FHOD3: variants seen among roughly 807,000 people sequenced by gnomAD.
The protein encoded by FHOD3 is formin homology 2 domain containing 3, also known as FH1/FH2 domain-containing protein 3.
In FHOD3, 90 loss-of-function variants were observed where a neutral mutation model predicts 173.0. That is an observed-to-expected ratio of 0.52 (90% CI 0.44 to 0.62). The LOEUF (loss-of-function observed/expected upper bound fraction) is 0.62. Among genes scored for constraint, FHOD3 ranks in the 20% least tolerant of loss-of-function variants. The pLI is 0.00. For missense variants in FHOD3, 1,945 were observed against 2,034.7 expected (o/e 0.96, Z 0.85); for synonymous variants, 828 against 823.0 (o/e 1.01, Z -0.10).
At chr18:36,381,560 G>A (rs1301893607) in intron 3 of FHOD3, among the ~76,000 whole-genome samples, 2 of 152,182 alleles carry the variant, frequency 1.3e-5, no homozygotes, top group East Asian at 3.8e-4. Flanking sequence ...CCCTGTTCTG[G>A]GTTTGGTTCC....
At chr18:36,379,526 C>A (rs923048110) in intron 3 of FHOD3, among the ~76,000 whole-genome samples, 23 of 152,064 alleles carry the variant, frequency 1.5e-4, no homozygotes, top group African/African-American at 5.6e-4. Context: ...CCTGGTTGGT[C>A]ACTTAACAAG....
chr18:36,373,653 G>A (rs1390015256), intron 3 of FHOD3, among the ~76,000 whole-genome samples: 1 of 152,180 alleles, frequency 6.6e-6, no homozygotes, highest in Non-Finnish European at 1.5e-5. Context: ...AAGAATAATT[G>A]TTCAGGTGAC....
intron 14 of FHOD3, among the ~76,000 whole-genome samples, chr18:36,659,467 T>G: frequency 6.6e-6 from 1 of 152,232 alleles, no homozygotes; most frequent in East Asian, 1.9e-4. Flanking sequence ...AAGGTCACCA[T>G]ACAGATGACC....
chr18:36,754,691 T>C (rs1033352178), intron 24 of FHOD3, among the ~76,000 whole-genome samples: 102 of 152,158 alleles, frequency 6.7e-4, no homozygotes, highest in African/African-American at 2.4e-3. Context: ...TTATTCCTAT[T>C]GAATTGTCAT....
At chr18:36,562,626 G>A (rs778960351) in intron 5 of FHOD3, among the ~76,000 whole-genome samples, 2 of 152,150 alleles carry the variant, frequency 1.3e-5, no homozygotes, top group Non-Finnish European at 2.9e-5. Context: ...CTGCCTCATT[G>A]GAGAGCAGGA....
At chr18:36,744,441 A>G (rs1052845442) in intron 23 of FHOD3, among the ~76,000 whole-genome samples, 2 of 152,230 alleles carry the variant, frequency 1.3e-5, no homozygotes, top group African/African-American at 2.4e-5. Flanking sequence ...CTGCCATCCC[A>G]TTCCTAAACC....
chr18:36,730,693 C>G lies in FHOD3; in HGVS notation c.3465C>G (p.Ser1155=). ...GGCAAGAGATCATTGTTCTGGATTC[C>G]AAGAGGAGTAACGCCATCAATATTG... ...GKRQEIIVLD[S]KRSNAINIGL... Residue 1155 remains serine, a synonymous_variant, in exon 20 of 29, where the codon TCC becomes TCG. Transcript: ENST00000590592. 1 of 1,613,924 alleles carries G rather than the reference C, an allele frequency of 6.2e-7. No individual in the cohort carries two copies. The highest frequency in any genetic ancestry group is 1.1e-5 in the South Asian group (1 of 91,014).
intron 3 of FHOD3, among the ~76,000 whole-genome samples, chr18:36,373,792 A>T (rs1163584659): frequency 6.6e-6 from 1 of 152,234 alleles, no homozygotes; most frequent in African/African-American, 2.4e-5. Context: ...AGCACTGAGT[A>T]ACTGTACAAT....
chr18:36,366,245 A>G (rs558970103), intron 2 of FHOD3, among the ~76,000 whole-genome samples: 143 of 152,304 alleles, frequency 9.4e-4, no homozygotes, highest in Non-Finnish European at 1.2e-3. Flanking sequence ...AGAGAACGAG[A>G]AAAAGGTATG....
intron 2 of FHOD3, among the ~76,000 whole-genome samples, chr18:36,357,440 C>T (rs554611788): frequency 1.2e-4 from 18 of 152,270 alleles, no homozygotes; most frequent in Non-Finnish European, 2.1e-4. Context: ...CATGGCCATG[C>T]GCACCAAGAA....
intron 3 of FHOD3, among the ~76,000 whole-genome samples, chr18:36,448,336 G>A (rs1363523655): frequency 6.6e-6 from 1 of 152,162 alleles, no homozygotes; most frequent in Non-Finnish European, 1.5e-5. Flanking sequence ...CAAAACAATG[G>A]ATGTGTAACT....
At chr18:36,719,053 C>T (rs1357956156) in intron 19 of FHOD3, among the ~76,000 whole-genome samples, 1 of 152,228 alleles carries the variant, frequency 6.6e-6, no homozygotes, top group African/African-American at 2.4e-5. Flanking sequence ...AGAAAGTGGA[C>T]TTGCTGACTC....
intron 3 of FHOD3, among the ~76,000 whole-genome samples, chr18:36,488,794 G>A (rs982696028): frequency 1.3e-5 from 2 of 152,194 alleles, no homozygotes; most frequent in Admixed American, 1.3e-4. Context: ...AGTCTGGATG[G>A]TGGTATTGTC....
intron 1 of FHOD3, among the ~76,000 whole-genome samples, chr18:36,352,907 G>T (rs1371528148): frequency 6.6e-6 from 1 of 152,158 alleles, no homozygotes; most frequent in Admixed American, 6.5e-5. Context: ...CCAGACACAT[G>T]GTCCACTGTA....
intron 3 of FHOD3, among the ~76,000 whole-genome samples, chr18:36,418,067 G>A (rs2049768363): frequency 6.6e-6 from 1 of 152,206 alleles, no homozygotes; most frequent in South Asian, 2.1e-4. Context: ...TGCAATCATA[G>A]TGTTTGGTTT....
At chr18:36,311,839 G>A (rs970657673) in intron 1 of FHOD3, among the ~76,000 whole-genome samples, 2 of 152,212 alleles carry the variant, frequency 1.3e-5, no homozygotes, top group Non-Finnish European at 2.9e-5. Context: ...GGGGGGACAG[G>A]TGCGCCCCTT....
chr18:36,586,488 CT>C (rs34226186), intron 6 of FHOD3, among the ~76,000 whole-genome samples: 45,504 of 146,956 alleles, frequency 0.31, 6,858 homozygotes, highest in Admixed American at 0.37. Context: ...GTGCATGTTA[CT>C]TTTTTTTTTT....
chr18:36,760,506 A>G (rs2042822854), intron 26 of FHOD3, 102 bp from the exon 27 acceptor site: 1 of 1,131,446 alleles, frequency 8.8e-7, no homozygotes, highest in Non-Finnish European at 1.2e-6. Flanking sequence ...CAAACAAAAC[A>G]AGACAGAGGA....
At chr18:36,628,422 A>AT (rs113952851) in intron 10 of FHOD3, among the ~76,000 whole-genome samples, 1 of 152,184 alleles carries the variant, frequency 6.6e-6, no homozygotes, top group African/African-American at 2.4e-5. Flanking sequence ...CCTTGTAGGT[A>AT]TTTTTTTGTT....
Sources: gnomAD v4.1 joint callset for allele counts (sites outside exome capture counted in the v4.1 genomes callset) on GRCh38, gnomAD v4.1.1 for gene constraint, MANE v1.5 for transcripts, NCBI Gene and HGNC (gene_info 2026-07-23, HGNC 2026-07-21) for gene names.